PTAR1: variants seen among roughly 807,000 people sequenced by gnomAD.
The protein encoded by PTAR1 is protein prenyltransferase alpha subunit repeat containing 1.
Under a neutral mutation model 45.5 loss-of-function variants are expected in PTAR1, and 17 were observed. The ratio of observed to expected loss-of-function variants is 0.37; its 90% confidence interval spans 0.26 to 0.56. The LOEUF (loss-of-function observed/expected upper bound fraction) is 0.56. PTAR1 is among the 20% of genes least tolerant of loss of function. The pLI, the probability that PTAR1 is intolerant of heterozygous loss-of-function variation, is 0.77. For missense variants in PTAR1, 391 were observed against 476.3 expected (o/e 0.82, Z 1.67); for synonymous variants, 169 against 171.3 (o/e 0.99, Z 0.11).
In PTAR1 at chr9:69,710,004, A is replaced by G. The variant is rs986283771; in HGVS notation, c.*8338T>C. Reference sequence around the variant, plus strand: ...AACAGGCTGATCCTACTTCTAGAACATATTAAAATGAAGATGAAGGAAAAC... The same window carrying G: ...AACAGGCTGATCCTACTTCTAGAACGTATTAAAATGAAGATGAAGGAAAAC... On this transcript the variant is annotated 3_prime_UTR_variant, in exon 8 of 8. Transcript: ENST00000340434. 5 of 152,176 alleles carry G rather than the reference A, an allele frequency of 3.3e-5. No individual in the cohort carries two copies. Among genetic ancestry groups the G allele is most frequent in the Non-Finnish European group, 7.4e-5 (5 of 68,010 alleles). The allele number at this position is 152,176 out of a possible 1,614,324, so 9.4% of individuals were successfully genotyped here. A position where few individuals can be genotyped will look rare whatever the true frequency, so the allele number is the denominator to read the frequency against.
At chr9:69,758,661 G>A in intron 1 of PTAR1, 1 of 397,174 alleles carries the variant, frequency 2.5e-6, no homozygotes, top group Non-Finnish European at 5.2e-6. Flanking sequence ...TGCCACAAGG[G>A]AGCAAAACAT....
Position 69,759,899 on chromosome 9 carries a change from G to A in PTAR1, c.40C>T (p.Arg14Trp). 6.5e-7 allele frequency: 1 copy of A among 1,529,572 alleles called. No homozygotes were observed. 94.8% of individuals were successfully genotyped at this position (1,529,572 alleles called of 1,614,324 possible). A position where few individuals can be genotyped will look rare whatever the true frequency, so the allele number is the denominator to read the frequency against. ...TSEEVAVLVQ[R>W]VVKDITNAFR... is the part of the protein sequence containing the mutation. ...GCGTTAGTGATGTCCTTCACAACCC[G>A]CTGCACCAGCACCGCCACCTCCTCG... Residue 14 changes from arginine (R) to tryptophan (W), a missense_variant, in exon 1 of 8, where the codon CGG (arginine) becomes TGG (tryptophan). Physicochemically the swap from Arg to Trp is moderately radical, Grantham distance 101. Coordinates refer to ENST00000340434, the MANE Select transcript of PTAR1 (RefSeq NM_001099666.2).
intron 2 of PTAR1, among the ~76,000 whole-genome samples, chr9:69,746,485 A>G (rs1826280733): frequency 6.6e-6 from 1 of 152,208 alleles, no homozygotes; most frequent in Non-Finnish European, 1.5e-5. Context: ...AAGAACATGT[A>G]TAATCAACGG....
At position 69,715,884 on chromosome 9, in the gene PTAR1, T is replaced by C. The variant is rs1426807587; in HGVS notation, c.*2458A>G. 6.6e-6 allele frequency: 1 copy of C among 152,160 alleles called. No individual in the cohort carries two copies. Among genetic ancestry groups the C allele is most frequent in the East Asian group, 1.9e-4 (1 of 5,196 alleles). The allele number at this position is 152,160 out of a possible 1,614,324, so 9.4% of individuals were successfully genotyped here. On this transcript the variant is annotated 3_prime_UTR_variant, in exon 8 of 8. Coordinates refer to ENST00000340434, the MANE Select transcript of PTAR1 (RefSeq NM_001099666.2). Reference sequence around the variant, plus strand: ...ATACTAACAGTATCCTTTGGGTATTTGCATTTTTGCTCTCTACTTTAAACT... The same window carrying C: ...ATACTAACAGTATCCTTTGGGTATTCGCATTTTTGCTCTCTACTTTAAACT...
chr9:69,747,704 A>C (rs920523543), intron 2 of PTAR1, among the ~76,000 whole-genome samples: 2 of 152,170 alleles, frequency 1.3e-5, no homozygotes, highest in Admixed American at 6.5e-5. Flanking sequence ...AAAGTTGTAT[A>C]CTCAACCAAG....
At chr9:69,740,423 T>C (rs1225154447) in intron 3 of PTAR1, among the ~76,000 whole-genome samples, 1 of 152,066 alleles carries the variant, frequency 6.6e-6, no homozygotes, top group African/African-American at 2.4e-5. Context: ...TGTGTGTGTG[T>C]GTGTATGTAC....
In PTAR1 at chr9:69,711,282, C is replaced by T. The variant is rs1035063233; in HGVS notation, c.*7060G>A. On this transcript the variant is annotated 3_prime_UTR_variant, in exon 8 of 8. Transcript: ENST00000340434. Reference sequence around the variant, plus strand: ...CATCGAAGTCATGCATCAAGAACCTCGCCAGGAGGCAATGCCTAATTACAT... The same window carrying T: ...CATCGAAGTCATGCATCAAGAACCTTGCCAGGAGGCAATGCCTAATTACAT... The T allele has an allele frequency of 6.6e-6, 1 of 152,214 alleles. No homozygotes were observed. Among genetic ancestry groups the T allele is most frequent in the African/African-American group, 2.4e-5 (1 of 41,444 alleles). 9.4% of individuals were successfully genotyped at this position (152,214 alleles called of 1,614,324 possible).
At chr9:69,725,307 T>C (rs1825217875) in intron 5 of PTAR1, among the ~76,000 whole-genome samples, 1 of 152,154 alleles carries the variant, frequency 6.6e-6, no homozygotes, top group Non-Finnish European at 1.5e-5. Context: ...AAAGATGTTC[T>C]GGCTGTGCGT....
chr9:69,733,112 T>G (rs997643027), intron 4 of PTAR1, among the ~76,000 whole-genome samples: 3 of 152,196 alleles, frequency 2.0e-5, no homozygotes, highest in Non-Finnish European at 4.4e-5. Context: ...TTTAAAATAA[T>G]GGAATTTCTT....
chr9:69,736,771 A>G (rs1239103894), intron 3 of PTAR1, among the ~76,000 whole-genome samples: 1 of 152,116 alleles, frequency 6.6e-6, no homozygotes, highest in Non-Finnish European at 1.5e-5. Context: ...TTTTGCAACC[A>G]CTGCGGTACA....
chr9:69,743,691 T>G lies in PTAR1; in HGVS notation c.257-1833A>C, dbSNP rs575082144. On this transcript the variant is annotated intron_variant, in intron 2 of 7. Coordinates refer to ENST00000340434, the MANE Select transcript of PTAR1 (RefSeq NM_001099666.2). ...TAATGTTTATCAAGAAAAATAAATA[T>G]AATATTCTATGTCACTATTCATTTA... Among the ~76,000 whole-genome samples the G allele has an allele frequency of 5.3e-5, 8 of 152,276 alleles. No homozygotes were observed. The South Asian group carries it at 1.2e-3, about 24-fold the overall frequency.
rs1380678240 is a variant in PTAR1, at chr9:69,713,454, C to T, written c.*4888G>A. 1 of 152,036 alleles carries T rather than the reference C, an allele frequency of 6.6e-6. No individual in the cohort carries two copies. Among genetic ancestry groups the T allele is most frequent in the Non-Finnish European group, 1.5e-5 (1 of 67,992 alleles). The allele number at this position is 152,036 out of a possible 1,614,324, so 9.4% of individuals were successfully genotyped here. ...TTTGCTATCTTGAAATATGGAATTC[C>T]TATCCCTCCCTTCTCCATATACAAA... On this transcript the variant is annotated 3_prime_UTR_variant, in exon 8 of 8. Transcript: ENST00000340434.
intron 1 of PTAR1, among the ~76,000 whole-genome samples, chr9:69,756,447 C>A (rs1826780874): frequency 6.6e-6 from 1 of 152,082 alleles, no homozygotes; most frequent in Non-Finnish European, 1.5e-5. Flanking sequence ...ATTAAACCAC[C>A]CAGTTTTTAA....
intron 5 of PTAR1, among the ~76,000 whole-genome samples, chr9:69,728,133 C>CT (rs1825371303): frequency 6.6e-6 from 1 of 152,036 alleles, no homozygotes; most frequent in African/African-American, 2.4e-5. Flanking sequence ...TATTTCCTTC[C>CT]TTTTTTATGG....
chr9:69,739,088 GA>G (rs1366448224), intron 3 of PTAR1, among the ~76,000 whole-genome samples: 8 of 152,282 alleles, frequency 5.3e-5, no homozygotes, highest in African/African-American at 1.9e-4. Context: ...TTACAGGCGT[GA>G]GCCACCATGC....
In PTAR1 at chr9:69,716,944, C is replaced by T. The variant is rs1277342880; in HGVS notation, c.*1398G>A. On this transcript the variant is annotated 3_prime_UTR_variant, in exon 8 of 8. Transcript: ENST00000340434. The stretch of plus-strand genomic sequence containing the variant: ...AAAAATACGTAATGGATTGGCAAAA[C>T]AAAGTATATGAAAAGAAGAAACAGA... The T allele has an allele frequency of 3.3e-5, 5 of 152,018 alleles. No homozygotes were observed. The highest frequency in any genetic ancestry group is 1.2e-4 in the African/African-American group (5 of 41,406). 9.4% of individuals were successfully genotyped at this position (152,018 alleles called of 1,614,324 possible).
At chr9:69,748,476 G>C (rs990330336) in intron 2 of PTAR1, among the ~76,000 whole-genome samples, 14 of 151,824 alleles carry the variant, frequency 9.2e-5, no homozygotes, top group Non-Finnish European at 1.6e-4. Context: ...GAATTCAGCA[G>C]GTTAATGAAA....
chr9:69,723,925 G>A (rs1038988573), intron 5 of PTAR1, among the ~76,000 whole-genome samples: 2 of 152,070 alleles, frequency 1.3e-5, no homozygotes, highest in African/African-American at 4.8e-5. Context: ...TACACACAGA[G>A]AAGGAAAATA....
rs1352041988 is a variant in PTAR1 at position 69,734,194 on chromosome 9, G to A, written c.384C>T (p.Leu128=). 1.3e-5 allele frequency: 20 copies of A among 1,552,240 alleles called. No individual in the cohort carries two copies. The highest frequency in any genetic ancestry group is 9.0e-5 in the Admixed American group (5 of 55,670). ...GACTCTTTGGAAACTTGGTTAAGGCGAGTTTTCCCAGATGTAAATCCTTAA... is the reference window on the plus strand; with the variant it reads ...GACTCTTTGGAAACTTGGTTAAGGCAAGTTTTCCCAGATGTAAATCCTTAA... The part of the protein sequence containing the change: ...NPIKDLHLGK[L]ALTKFPKSPE... The change falls in exon 4 of 8, where the codon CTC becomes CTT. Residue 128 remains leucine (L), a synonymous_variant. Transcript: ENST00000340434.
Sources: allele counts gnomAD v4.1 joint callset (sites outside exome capture counted in the v4.1 genomes callset), GRCh38; gene constraint gnomAD v4.1.1; transcripts MANE v1.5; gene names NCBI Gene and HGNC (gene_info 2026-07-23, HGNC 2026-07-21).